The following ANLN variants were observed in gnomAD, a reference collection of about 807,000 sequenced individuals.
ANLN encodes anillin, actin binding protein, also known as anillin.
A neutral mutation model predicts 135.1 loss-of-function variants in ANLN; 59 were observed. The ratio of observed to expected loss-of-function variants is 0.44; its 90% CI spans 0.35 to 0.54. ANLN has a LOEUF of 0.54. ANLN is among the 20% of genes least tolerant of loss of function. ANLN has a pLI of 0.00. For synonymous variants in ANLN, 406 were observed against 456.4 expected (o/e 0.89, Z 1.41); for missense variants, 1,182 against 1,340.0 (o/e 0.88, Z 1.84).
intron 3 of ANLN, 54 bp from the exon 4 acceptor site, chr7:36,406,127 C>G (rs569894576): frequency 1.3e-6 from 2 of 1,504,152 alleles, no homozygotes; most frequent in Non-Finnish European, 1.8e-6. Flanking sequence ...TGGTATTATA[C>G]GTAAGCATTA....
intron 20 of ANLN, among the ~76,000 whole-genome samples, chr7:36,436,053 C>A (rs1249394683): frequency 6.6e-6 from 1 of 152,062 alleles, no homozygotes; most frequent in Non-Finnish European, 1.5e-5. Flanking sequence ...ATACCTCTGT[C>A]TAATTCGAAA....
intron 9 of ANLN, 32 bp from the exon 10 acceptor site, chr7:36,419,212 T>C: frequency 6.8e-7 from 1 of 1,473,974 alleles, no homozygotes; most frequent in Non-Finnish European, 9.5e-7. Context: ...AATATCTGAG[T>C]CACAGTGTCC....
In ANLN at chr7:36,415,895, C is replaced by G. The variant is rs202035722; in HGVS notation, c.1522+11C>G. 1 of 1,568,836 alleles carries G rather than the reference C, an allele frequency of 6.4e-7. No homozygotes were observed. Among genetic ancestry groups the G allele is most frequent in the Non-Finnish European group, 8.6e-7 (1 of 1,163,068 alleles). On this transcript the variant is annotated intron_variant, in intron 8 of 23. Transcript: ENST00000265748. ...GTACAGAACCTAAAGGTCAGTGTTT[C>G]CAGATTGTTCATGGTTAGTATGTAG...
chr7:36,427,580 C>G (rs549590026), intron 20 of ANLN, among the ~76,000 whole-genome samples: 2 of 152,290 alleles, frequency 1.3e-5, no homozygotes, highest in South Asian at 4.1e-4. Flanking sequence ...TCTCGAACTC[C>G]TGGGCTCTGG....
At chr7:36,400,382 CAG>C (rs1242126328) in intron 3 of ANLN, among the ~76,000 whole-genome samples, 6 of 152,010 alleles carry the variant, frequency 3.9e-5, no homozygotes, top group East Asian at 1.9e-4. Flanking sequence ...TTTTTTGAGA[CAG>C]AGTCTCACTC....
chr7:36,427,477 A>C (rs905331257), intron 20 of ANLN, among the ~76,000 whole-genome samples: 1 of 151,824 alleles, frequency 6.6e-6, no homozygotes, highest in African/African-American at 2.4e-5. Flanking sequence ...TTAGCCTTCC[A>C]AGTAGCTGGG....
chr7:36,450,689 C>T (rs1468758974), intron 23 of ANLN, among the ~76,000 whole-genome samples: 1 of 152,114 alleles, frequency 6.6e-6, no homozygotes, highest in Non-Finnish European at 1.5e-5. Flanking sequence ...TCAATTATTT[C>T]AGGGGCCTTC....
At chr7:36,442,900 G>T (rs1197394259) in intron 21 of ANLN, among the ~76,000 whole-genome samples, 1 of 151,776 alleles carries the variant, frequency 6.6e-6, no homozygotes, top group Non-Finnish European at 1.5e-5. Context: ...AAAGTGCTGG[G>T]ATTACAGGTG....
At chr7:36,437,451 T>C (rs1019405950) in intron 20 of ANLN, among the ~76,000 whole-genome samples, 2 of 152,232 alleles carry the variant, frequency 1.3e-5, no homozygotes, top group African/African-American at 4.8e-5. Context: ...GCACTTAGAT[T>C]ATTTCCATCT....
At chr7:36,402,133 G>A (rs1311385077) in intron 3 of ANLN, among the ~76,000 whole-genome samples, 2 of 103,816 alleles carry the variant, frequency 1.9e-5, no homozygotes. Flanking sequence ...TTTTTTTGAG[G>A]TGGAGTCTTG....
At chr7:36,446,533 G>T (rs1281629936) in intron 22 of ANLN, among the ~76,000 whole-genome samples, 1 of 152,134 alleles carries the variant, frequency 6.6e-6, no homozygotes, top group African/African-American at 2.4e-5. Context: ...AGATGAAGTG[G>T]GAGCAGGTAC....
intron 14 of ANLN, 40 bp from the exon 15 acceptor site, chr7:36,423,777 T>G (rs1787972682): frequency 6.4e-7 from 1 of 1,566,418 alleles, no homozygotes; most frequent in Non-Finnish European, 8.7e-7. Flanking sequence ...TAAATCTGAT[T>G]TTGCTTGTGC....
In ANLN at chr7:36,419,106, A is replaced by G. The variant is rs897818090; in HGVS notation, c.1634-138A>G. The G allele has an allele frequency of 1.1e-4, 65 of 594,018 alleles. 1 individual carries two copies. The African/African-American group carries it at 1.1e-3, about 10-fold the overall frequency. The allele number at this position is 594,018 out of a possible 1,614,324, so 36.8% of individuals were successfully genotyped here. On this transcript the variant is annotated intron_variant, in intron 9 of 23. Transcript: ENST00000265748. The stretch of plus-strand genomic sequence containing the variant: ...TTTCATTTATTAGTAGTATTTTCTT[A>G]TTTTTCTTTTTAGGAGGTGCTTTTT...
At chr7:36,418,886 T>C (rs548459122) in intron 9 of ANLN, among the ~76,000 whole-genome samples, 1 of 152,198 alleles carries the variant, frequency 6.6e-6, no homozygotes, top group African/African-American at 2.4e-5. Flanking sequence ...CCTGAGTAGC[T>C]GGGATTACAG....
At chr7:36,435,455 A>T (rs1023315987) in intron 20 of ANLN, among the ~76,000 whole-genome samples, 10 of 151,882 alleles carry the variant, frequency 6.6e-5, no homozygotes, top group African/African-American at 2.4e-4. Flanking sequence ...CTCTTGCCTC[A>T]GCCTCTCAAA....
chr7:36,443,924 C>A, intron 22 of ANLN, 62 bp downstream of exon 22: 1 of 1,141,000 alleles, frequency 8.8e-7, no homozygotes, highest in Non-Finnish European at 1.3e-6. Context: ...AGTGTTCATG[C>A]AAATGTTCCC....
intron 20 of ANLN, among the ~76,000 whole-genome samples, chr7:36,430,013 C>G (rs971490498): frequency 6.6e-6 from 1 of 152,282 alleles, no homozygotes; most frequent in East Asian, 1.9e-4. Context: ...AAATCTGGAA[C>G]AAATTTTGTG....
Position 36,415,786 on chromosome 7 carries a change from A to G in ANLN, c.1424A>G (p.Lys475Arg). 1 of 1,605,466 alleles carries G rather than the reference A, an allele frequency of 6.2e-7. No homozygotes were observed. The highest frequency in any genetic ancestry group is 8.5e-7 in the Non-Finnish European group (1 of 1,177,320). Reference sequence around the variant, plus strand: ...ACTCACTGTCAGAGCACTCCCCTCAAAAAACACCAAGGTGTTTCAAAAACT... The same window carrying G: ...ACTCACTGTCAGAGCACTCCCCTCAGAAAACACCAAGGTGTTTCAAAAACT... ...QETHCQSTPL[K>R]KHQGVSKTQS... Residue 475 changes from lysine to arginine, a missense_variant, in exon 8 of 24, where the codon AAA becomes AGA. Coordinates refer to ENST00000265748, the MANE Select transcript of ANLN (RefSeq NM_018685.5).
intron 7 of ANLN, among the ~76,000 whole-genome samples, chr7:36,412,436 C>T (rs1377637199): frequency 5.3e-5 from 8 of 150,474 alleles, no homozygotes; most frequent in African/African-American, 1.7e-4. Flanking sequence ...TCAAGCGATT[C>T]TCCTGCCTCA....
Sources: allele counts gnomAD v4.1 joint callset (sites outside exome capture counted in the v4.1 genomes callset), GRCh38; gene constraint gnomAD v4.1.1; transcripts MANE v1.5; gene names NCBI Gene and HGNC (gene_info 2026-07-23, HGNC 2026-07-21).